BDNF: variants seen among roughly 807,000 people sequenced by gnomAD.
The protein encoded by BDNF is brain derived neurotrophic factor, also known as neurotrophic factor BDNF precursor form.
Under a neutral mutation model 19.5 loss-of-function variants are expected in BDNF, and 1 was observed. The observed-to-expected ratio is 0.05, with a 90% confidence interval of 0.02 to 0.24. The LOEUF (loss-of-function observed/expected upper bound fraction) is 0.24. Ranked by LOEUF, BDNF falls within the 10% of genes least tolerant of loss-of-function variation. BDNF has a pLI of 1.00. For missense variants in BDNF, 195 were observed against 317.6 expected (o/e 0.61, Z 2.93); for synonymous variants, 100 against 121.6 (o/e 0.82, Z 1.17).
upstream of BDNF, among the ~76,000 whole-genome samples, chr11:27,704,728 C>T (rs978101396): frequency 2.6e-5 from 4 of 152,202 alleles, no homozygotes; most frequent in Non-Finnish European, 5.9e-5. Flanking sequence ...CAATGTTAAA[C>T]TATGTCACTC....
intron 1 of BDNF, among the ~76,000 whole-genome samples, chr11:27,688,524 A>C (rs1336826085): frequency 6.6e-6 from 1 of 152,160 alleles, no homozygotes; most frequent in Non-Finnish European, 1.5e-5. Flanking sequence ...CTTGAAACCC[A>C]GGGCCCTGGT....
chr11:27,720,355 G>A, intron 1 of BDNF: 1 of 985,838 alleles, frequency 1.0e-6, no homozygotes. Flanking sequence ...CCTTCTTTGC[G>A]GCTTACACCA....
At chr11:27,708,596 T>TG (rs397772141) in intron 1 of BDNF, among the ~76,000 whole-genome samples, 3 of 151,310 alleles carry the variant, frequency 2.0e-5, no homozygotes, top group African/African-American at 7.3e-5. Flanking sequence ...GATTTACTCT[T>TG]AATTAACTGA....
intron 1 of BDNF, among the ~76,000 whole-genome samples, chr11:27,683,236 G>A (rs1485503574): frequency 6.6e-6 from 1 of 152,046 alleles, no homozygotes; most frequent in Admixed American, 6.6e-5. Flanking sequence ...CATACCCTTC[G>A]CCCACTTTTT....
rs376527130 is a variant in BDNF at position 27,671,171 on chromosome 11, G to T, written c.-21-12586C>A. 7.1e-4 allele frequency among the ~76,000 whole-genome samples: 108 copies of T among 152,202 alleles called. 5 individuals carry two copies. In the South Asian group the frequency reaches 0.022, roughly 31 times the overall value. On this transcript the variant is annotated intron_variant, in intron 1 of 1. Coordinates refer to ENST00000356660, the MANE Select transcript of BDNF (RefSeq NM_001709.5). ...GGGACCTGTCATGGAGTAGGGGTAG[G>T]GGGGAGGGATAGCATTAGGAGATAT...
At chr11:27,662,041 C>G (rs542798276) in intron 1 of BDNF, among the ~76,000 whole-genome samples, 1 of 152,052 alleles carries the variant, frequency 6.6e-6, no homozygotes, top group Non-Finnish European at 1.5e-5. Flanking sequence ...CTTGCTCTGT[C>G]GCCCAGGCTG....
At chr11:27,717,143 C>G (rs902127675) in intron 1 of BDNF, among the ~76,000 whole-genome samples, 3 of 151,594 alleles carry the variant, frequency 2.0e-5, no homozygotes, top group African/African-American at 7.3e-5. Flanking sequence ...GGGAAAGAGT[C>G]TGGCAAATGA....
At chr11:27,676,892 T>C (rs1183561396) in intron 1 of BDNF, 2 of 152,200 alleles carry the variant, frequency 1.3e-5, no homozygotes, top group East Asian at 3.8e-4. Flanking sequence ...AACAATTTTC[T>C]TTTTGGTTCT....
chr11:27,715,457 G>C (rs1196214933), intron 1 of BDNF, among the ~76,000 whole-genome samples: 1 of 152,146 alleles, frequency 6.6e-6, no homozygotes, highest in Non-Finnish European at 1.5e-5. Context: ...TAGCAACTAT[G>C]ACTTAGATGG....
At position 27,655,678 on chromosome 11, in the gene BDNF, C is replaced by T. The variant is rs1370351924; in HGVS notation, c.*2143G>A. 1 of 152,212 alleles carries T rather than the reference C, an allele frequency of 6.6e-6. No homozygotes were observed. The highest frequency in any genetic ancestry group is 1.5e-5 in the Non-Finnish European group (1 of 68,040). The allele number at this position is 152,212 out of a possible 1,614,324, so 9.4% of individuals were successfully genotyped here. A position where few individuals can be genotyped will look rare whatever the true frequency, so the allele number is the denominator to read the frequency against. ...AATTGAAATTCTTTGCTGATGGTAT[C>T]TTCATTCCTGGGTTATGGTGAACAT... On this transcript the variant is annotated 3_prime_UTR_variant, in exon 2 of 2. Transcript: ENST00000356660.
rs564803827 is a variant in BDNF at position 27,670,682 on chromosome 11, A to T, written c.-21-12097T>A. Among the ~76,000 whole-genome samples the T allele has an allele frequency of 5.3e-5, 8 of 152,342 alleles. No individual in the cohort carries two copies. In the South Asian group the frequency reaches 1.7e-3, roughly 32 times the overall value. ...AATGCTCATCATCACTGGCCATCAG[A>T]GAAATGCAAATCAAAACCACAATGA... On this transcript the variant is annotated intron_variant, in intron 1 of 1. Coordinates refer to ENST00000356660, the MANE Select transcript of BDNF (RefSeq NM_001709.5).
At position 27,658,496 on chromosome 11, in the gene BDNF, T is replaced by G. The variant is rs1466411756; in HGVS notation, c.69A>C (p.Glu23Asp). The G allele has an allele frequency of 6.2e-7, 1 of 1,614,184 alleles. No individual in the cohort carries two copies. Residue 23 changes from glutamate to aspartate, a missense_variant, in exon 2 of 2, where the codon GAA becomes GAC. Coordinates refer to ENST00000356660, the MANE Select transcript of BDNF (RefSeq NM_001709.5). The surrounding 1 kb of genome is among the most constrained non-coding windows in gnomAD (Gnocchi z 5.7). ...AGCCACCTTGTCCTCGGATGTTTGC[T>G]TCTTTCATGGGGGCAGCCTTCATGC... ...FGCMKAAPMK[E>D]ANIRGQGGLA...
intron 1 of BDNF, among the ~76,000 whole-genome samples, chr11:27,717,506 C>A (rs368361588): frequency 1.3e-5 from 2 of 152,176 alleles, no homozygotes; most frequent in Non-Finnish European, 2.9e-5. Flanking sequence ...GCAGGATGCT[C>A]ATATTCTCAT....
chr11:27,679,452 ACTTTG>A (rs1056455812), intron 1 of BDNF, among the ~76,000 whole-genome samples: 1 of 152,204 alleles, frequency 6.6e-6, no homozygotes, highest in African/African-American at 2.4e-5. Flanking sequence ...GTTTGGATGT[ACTTTG>A]CTTTAGGAAA....
intron 1 of BDNF, chr11:27,699,231 A>G (rs541574615): frequency 1.2e-4 from 141 of 1,151,206 alleles, no homozygotes; most frequent in Admixed American, 5.2e-4. Flanking sequence ...TCTACCCCCA[A>G]CACACAAACA....
At chr11:27,697,164 C>CACAG (rs1182832997) in intron 1 of BDNF, among the ~76,000 whole-genome samples, 4 of 133,166 alleles carry the variant, frequency 3.0e-5, no homozygotes, top group Middle Eastern at 3.8e-3. Flanking sequence ...CACACACACA[C>CACAG]AGAGAGAGAG....
chr11:27,696,765 C>G (rs529836931), intron 1 of BDNF, among the ~76,000 whole-genome samples: 1 of 152,296 alleles, frequency 6.6e-6, no homozygotes, highest in East Asian at 1.9e-4. Flanking sequence ...GGCGAGACCC[C>G]TCACACAAAT....
At chr11:27,695,947 T>G (rs1858937906) in intron 1 of BDNF, among the ~76,000 whole-genome samples, 1 of 152,062 alleles carries the variant, frequency 6.6e-6, no homozygotes, top group Admixed American at 6.6e-5. Flanking sequence ...ACTCAAATTT[T>G]TCTACAGAAA....
intron 1 of BDNF, among the ~76,000 whole-genome samples, chr11:27,664,327 T>C (rs888929695): frequency 6.6e-6 from 1 of 152,170 alleles, no homozygotes; most frequent in Non-Finnish European, 1.5e-5. Flanking sequence ...ACACATGAAG[T>C]CTACTTTCCA....
Sources: allele counts gnomAD v4.1 joint callset (sites outside exome capture counted in the v4.1 genomes callset), GRCh38; gene constraint gnomAD v4.1.1; non-coding constraint Gnocchi (gnomAD v3.1); transcripts MANE v1.5; gene names NCBI Gene and HGNC (gene_info 2026-07-23, HGNC 2026-07-21).